PCID2: variants seen among roughly 807,000 people sequenced by gnomAD.
PCID2 encodes the protein PCI domain-containing protein 2.
A neutral mutation model predicts 61.3 loss-of-function variants in PCID2; 41 were observed. The observed-to-expected ratio is 0.67, with a 90% CI of 0.52 to 0.87. The LOEUF is 0.87. PCID2 is among the 40% of genes least tolerant of loss of function. The probability of loss-of-function intolerance (pLI) is 0.00; values close to 1 mark genes in which losing one functional copy is unlikely to be tolerated. For missense variants in PCID2, 392 were observed against 493.4 expected (o/e 0.79, Z 1.95); for synonymous variants, 187 against 177.8 (o/e 1.05, Z -0.41).
At chr13:113,171,666 C>T in the PCID2 span, 73 of 1,614,084 alleles carry the variant, frequency 4.5e-5, no homozygotes, top group Admixed American at 6.7e-5. The surrounding 1 kb of genome is among the most constrained non-coding windows in gnomAD (Gnocchi z 5.1). Flanking sequence ...CGGTATGACG[C>T]GGACGCGGGG....
At chr13:113,196,130 C>T (rs2038992587) in intron 5 of PCID2, 51 bp downstream of exon 5, 1 of 1,342,690 alleles carries the variant, frequency 7.4e-7, no homozygotes. Flanking sequence ...TAAAAAGATT[C>T]TGCTAAAAAA....
chr13:113,179,828 C>T lies in PCID2; in HGVS notation c.986+89G>A. On this transcript the variant is annotated intron_variant, in intron 12 of 13. Transcript: ENST00000337344. The surrounding 1 kb of genome is among the most constrained non-coding windows in gnomAD (Gnocchi z 4.3). ...GATAACGACCCCACCCACACGGTGG[C>T]CTTCTCTCTTAGACTGCAACAGCCC... 3 of 1,328,012 alleles carry T rather than the reference C, an allele frequency of 2.3e-6. No individual in the cohort carries two copies. The highest frequency in any genetic ancestry group is 3.1e-6 in the Non-Finnish European group (3 of 960,992). 82.3% of individuals were successfully genotyped at this position (1,328,012 alleles called of 1,614,324 possible).
chr13:113,208,187 C>T, intron 1 of PCID2: 1 of 1,568,692 alleles, frequency 6.4e-7, no homozygotes. Flanking sequence ...CTCCTGGAGT[C>T]CCCGAATTCA....
chr13:113,204,949 C>T (rs2039698158), intron 1 of PCID2, among the ~76,000 whole-genome samples: 1 of 152,172 alleles, frequency 6.6e-6, no homozygotes, highest in Non-Finnish European at 1.5e-5. Context: ...GCCTGGCTCA[C>T]CAGGGGATGC....
chr13:113,205,445 G>C (rs562536875), intron 1 of PCID2, among the ~76,000 whole-genome samples: 45 of 152,346 alleles, frequency 3.0e-4, no homozygotes, highest in South Asian at 8.3e-4. Context: ...GATGCAGCTA[G>C]CTGCTTTGGC....
At chr13:113,184,522 AAAC>A (rs1202140177) in intron 8 of PCID2, 35 bp from the exon 9 acceptor site, 2 of 1,302,912 alleles carry the variant, frequency 1.5e-6, no homozygotes, top group South Asian at 1.2e-5. Flanking sequence ...AAATATTTAA[AAAC>A]AACAAAAACA....
chr13:113,200,580 ACAAT>A, intron 1 of PCID2, 64 bp from the exon 2 acceptor site: 1 of 1,044,888 alleles, frequency 9.6e-7, no homozygotes, highest in Non-Finnish European at 1.5e-6. Flanking sequence ...AGAACCTACA[ACAAT>A]ACACTGAATG....
At chr13:113,193,990 G>GA (rs2038814580) in intron 6 of PCID2, among the ~76,000 whole-genome samples, 1 of 152,146 alleles carries the variant, frequency 6.6e-6, no homozygotes, top group Admixed American at 6.5e-5. Context: ...ACTACCTGAC[G>GA]AGACTATGGA....
In PCID2 at chr13:113,179,963, G is replaced by C; in HGVS notation, c.940C>G (p.Leu314Val). 1.2e-6 allele frequency: 2 copies of C among 1,613,896 alleles called. No individual in the cohort carries two copies. The highest frequency in any genetic ancestry group is 1.7e-6 in the Non-Finnish European group (2 of 1,179,870). ...FFIRCGIFLI[L>V]EKLKIITYRN... ...TAGGTGATGATCTTCAGCTTCTCCA[G>C]GATGAGGAAGATTCCGCAGCGAATG... Residue 314 changes from leucine to valine, a missense_variant, in exon 12 of 14, where the codon CTG becomes GTG. Physicochemically the swap from Leu to Val is conservative, Grantham distance 32. Around this residue, in one of 3 missense-constraint regions of PCID2, gnomAD observed 226 missense variants for 296.5 expected, o/e 0.76. Coordinates refer to ENST00000337344, the MANE Select transcript of PCID2 (RefSeq NM_001127202.4). The surrounding 1 kb of genome is among the most constrained non-coding windows in gnomAD (Gnocchi z 4.3).
intron 1 of PCID2, among the ~76,000 whole-genome samples, chr13:113,202,715 A>T (rs1387513201): frequency 6.6e-6 from 1 of 152,222 alleles, no homozygotes; most frequent in Non-Finnish European, 1.5e-5. Context: ...TCACATGTAC[A>T]TCCCAAAAGG....
At chr13:113,171,811 G>C in the PCID2 span, 1 of 1,613,538 alleles carries the variant, frequency 6.2e-7, no homozygotes, top group Non-Finnish European at 8.5e-7. This position sits in a 1 kb window ranked among gnomAD's most constrained non-coding sequence, Gnocchi z 5.1. Context: ...TCAGCGGCTG[G>C]GCACGCAATG....
At position 113,181,179 on chromosome 13, in the gene PCID2, T is replaced by C. The variant is rs750407249; in HGVS notation, c.737A>G (p.Lys246Arg). Reference sequence around the variant, plus strand: ...ATAGATCAGAATCATCCTTTTGTTCTTCTGACTAGAACGGTGACAATGCTC... The same window carrying C: ...ATAGATCAGAATCATCCTTTTGTTCCTCTGACTAGAACGGTGACAATGCTC... ...AFEHCHRSSQ[K>R]NKRMILIYLL... The change falls in exon 10 of 14, where the codon AAG (lysine) becomes AGG (arginine). Residue 246 changes from lysine to arginine, a missense_variant. Transcript: ENST00000337344. 1.7e-5 allele frequency: 28 copies of C among 1,613,806 alleles called. No individual in the cohort carries two copies. The South Asian group carries it at 2.7e-4, about 16-fold the overall frequency.
chr13:113,178,928 G>GT (rs771626229), intron 13 of PCID2, 38 bp downstream of exon 13: 12 of 1,587,952 alleles, frequency 7.6e-6, no homozygotes, highest in Non-Finnish European at 1.0e-5. Flanking sequence ...GAATCTTGCT[G>GT]TGAGTAGCTG....
downstream of PCID2, among the ~76,000 whole-genome samples, chr13:113,176,681 T>C (rs1009827467): frequency 1.1e-4 from 16 of 152,120 alleles, no homozygotes; most frequent in Non-Finnish European, 2.2e-4. Context: ...GAAGATCACT[T>C]GAGTCTCGGA....
chr13:113,179,212 T>G lies in PCID2; in HGVS notation c.987-123A>C. 1 of 649,934 alleles carries G rather than the reference T, an allele frequency of 1.5e-6. No individual in the cohort carries two copies. 40.3% of individuals were successfully genotyped at this position (649,934 alleles called of 1,614,324 possible). A position where few individuals can be genotyped will look rare whatever the true frequency, so the allele number is the denominator to read the frequency against. ...AGTAAAAAAATTCCCACCTATTAGA[T>G]AAACTCTAAACTACACTCTCAGAGC... On this transcript the variant is annotated intron_variant, in intron 12 of 13. Transcript: ENST00000337344. This position sits in a 1 kb window ranked among gnomAD's most constrained non-coding sequence, Gnocchi z 4.3.
the PCID2 span, chr13:113,171,493 C>T: frequency 3.3e-3 from 4,890 of 1,484,240 alleles, 13 homozygotes; most frequent in Non-Finnish European, 3.8e-3. The surrounding 1 kb of genome is among the most constrained non-coding windows in gnomAD (Gnocchi z 5.1). Context: ...CCTCCAGGGC[C>T]GGTCTCTCCC....
At chr13:113,170,410 A>C in the PCID2 span, 4 of 1,543,876 alleles carry the variant, frequency 2.6e-6, no homozygotes, top group African/African-American at 4.1e-5. Context: ...TTGATTTTTA[A>C]AGGTAAAGTT....
At chr13:113,196,286 G>A (rs997700386) in intron 4 of PCID2, 64 bp from the exon 5 acceptor site, 24 of 1,252,486 alleles carry the variant, frequency 1.9e-5, no homozygotes, top group Non-Finnish European at 2.8e-5. Flanking sequence ...TAAAAGTAAA[G>A]AATAAGAATC....
chr13:113,184,125 G>T, intron 9 of PCID2: 1 of 583,690 alleles, frequency 1.7e-6, no homozygotes, highest in Non-Finnish European at 2.2e-6. Context: ...TGTCTGTAAT[G>T]CCTGTGAGAC....
Sources: allele counts gnomAD v4.1 joint callset (sites outside exome capture counted in the v4.1 genomes callset), GRCh38; gene constraint gnomAD v4.1.1; regional missense constraint gnomAD v4.1.1; non-coding constraint Gnocchi (gnomAD v3.1); transcripts MANE v1.5; gene names NCBI Gene and HGNC (gene_info 2026-07-23, HGNC 2026-07-21).